Variants in ADAMTS6 observed in about 807,000 individuals in gnomAD.
The protein encoded by ADAMTS6 is A disintegrin and metalloproteinase with thrombospondin motifs 6.
A neutral mutation model predicts 144.3 loss-of-function variants in ADAMTS6; 23 were observed. That is an observed-to-expected ratio of 0.16 (90% confidence interval 0.11 to 0.23). The LOEUF is 0.23. Ranked by LOEUF, ADAMTS6 falls within the 10% of genes least tolerant of loss-of-function variation. The probability of loss-of-function intolerance (pLI) is 1.00; values close to 1 mark genes in which losing one functional copy is unlikely to be tolerated. For missense variants in ADAMTS6, 999 were observed against 1,379.6 expected (o/e 0.72, Z 4.37); for synonymous variants, 444 against 457.5 (o/e 0.97, Z 0.38).
chr5:65,175,638 T>TA lies in ADAMTS6; in HGVS notation c.2911-2631dup, dbSNP rs952835428. 1.0e-4 allele frequency among the ~76,000 whole-genome samples: 15 copies of TA among 149,008 alleles called. No homozygotes were observed. The East Asian group carries it at 1.6e-3, about 16-fold the overall frequency. On this transcript the variant is annotated intron_variant, in intron 22 of 24. Coordinates refer to ENST00000381055, the MANE Select transcript of ADAMTS6 (RefSeq NM_197941.4). The stretch of plus-strand genomic sequence containing the variant: ...CAACTGCTTTGCTAACAGAAGAAAG[T>TA]AAAAAAAATAACTTTTAGAGGAAAC...
At chr5:65,374,058 A>C (rs554052492) in intron 7 of ADAMTS6, among the ~76,000 whole-genome samples, 1 of 152,142 alleles carries the variant, frequency 6.6e-6, no homozygotes, top group Non-Finnish European at 1.5e-5. Context: ...AAATTCAACA[A>C]CCCTTCATGC....
At chr5:65,163,597 G>A (rs1463209762) in intron 24 of ADAMTS6, among the ~76,000 whole-genome samples, 2 of 152,174 alleles carry the variant, frequency 1.3e-5, no homozygotes, top group Non-Finnish European at 2.9e-5. Flanking sequence ...CTTTGAATTA[G>A]ACAGAGTTGA....
chr5:65,214,556 CAG>C lies in ADAMTS6; in HGVS notation c.2575+236_2575+237del. ...AAGATAGTCTTGGGAGAAGCACCAG[CAG>C]AGACACTCATTGTGCCAAGATGTAT... On this transcript the variant is annotated intron_variant, in intron 20 of 24. Coordinates refer to ENST00000381055, the MANE Select transcript of ADAMTS6 (RefSeq NM_197941.4). The surrounding 1 kb of genome is among the most constrained non-coding windows in gnomAD (Gnocchi z 4.6). The C allele has an allele frequency of 1.7e-6, 1 of 577,390 alleles. No individual in the cohort carries two copies. The highest frequency in any genetic ancestry group is 3.1e-6 in the Non-Finnish European group (1 of 326,368). 35.8% of individuals were successfully genotyped at this position (577,390 alleles called of 1,614,324 possible). A position where few individuals can be genotyped will look rare whatever the true frequency, so the allele number is the denominator to read the frequency against.
intron 7 of ADAMTS6, among the ~76,000 whole-genome samples, chr5:65,356,455 C>G (rs934770262): frequency 6.6e-6 from 1 of 151,864 alleles, no homozygotes; most frequent in Non-Finnish European, 1.5e-5. Context: ...TATTCTTTCC[C>G]TCTTGTTTAT....
chr5:65,212,283 T>C (rs539478210), intron 20 of ADAMTS6, among the ~76,000 whole-genome samples: 3 of 152,212 alleles, frequency 2.0e-5, no homozygotes, highest in South Asian at 4.2e-4. Context: ...GCCTCAAGAA[T>C]GCTCATAATC....
chr5:65,148,793 T>C lies in ADAMTS6; in HGVS notation c.*3043A>G, dbSNP rs987633011. The C allele has an allele frequency of 2.6e-5, 4 of 152,584 alleles. No individual in the cohort carries two copies. Among genetic ancestry groups the C allele is most frequent in the Non-Finnish European group, 5.9e-5 (4 of 68,040 alleles). 9.5% of individuals were successfully genotyped at this position (152,584 alleles called of 1,614,324 possible). A position where few individuals can be genotyped will look rare whatever the true frequency, so the allele number is the denominator to read the frequency against. On this transcript the variant is annotated 3_prime_UTR_variant, in exon 25 of 25. Coordinates refer to ENST00000381055, the MANE Select transcript of ADAMTS6 (RefSeq NM_197941.4). ...TAAATTATCTATGTCAAAAAAATTCTGTGCCTGGCGTGGAATTTCACTCCA... is the reference window on the plus strand; with the variant it reads ...TAAATTATCTATGTCAAAAAAATTCCGTGCCTGGCGTGGAATTTCACTCCA...
At chr5:65,378,701 C>A (rs1368465346) in intron 7 of ADAMTS6, among the ~76,000 whole-genome samples, 1 of 152,136 alleles carries the variant, frequency 6.6e-6, no homozygotes, top group Admixed American at 6.5e-5. Flanking sequence ...ACCCTGAGTT[C>A]TTTCTCTGTT....
chr5:65,333,923 G>A, intron 8 of ADAMTS6, 119 bp downstream of exon 8: 1 of 1,103,496 alleles, frequency 9.1e-7, no homozygotes. Context: ...TGTACAGAAA[G>A]GAAAATGACC....
chr5:65,343,145 T>C (rs912201344), intron 7 of ADAMTS6, among the ~76,000 whole-genome samples: 1 of 152,114 alleles, frequency 6.6e-6, no homozygotes, highest in East Asian at 1.9e-4. Flanking sequence ...ACGGATTTAA[T>C]GTAATTCCTT....
intron 14 of ADAMTS6, among the ~76,000 whole-genome samples, chr5:65,254,957 C>T (rs1760519863): frequency 6.6e-6 from 1 of 152,192 alleles, no homozygotes; most frequent in Non-Finnish European, 1.5e-5. Context: ...TAAATGTCAG[C>T]AGCAGTTGCT....
chr5:65,167,743 A>G (rs1330481101), intron 24 of ADAMTS6, among the ~76,000 whole-genome samples: 12 of 102,038 alleles, frequency 1.2e-4, no homozygotes, highest in African/African-American at 3.9e-4. Flanking sequence ...GCAAATCAAT[A>G]AATGTAATCC....
chr5:65,244,451 TC>T (rs933396925), intron 14 of ADAMTS6, among the ~76,000 whole-genome samples: 9 of 152,142 alleles, frequency 5.9e-5, no homozygotes, highest in African/African-American at 1.7e-4. Flanking sequence ...AAATAAAATG[TC>T]CAATATGGGG....
chr5:65,457,236 A>T (rs1343576319), intron 4 of ADAMTS6, among the ~76,000 whole-genome samples: 1 of 152,238 alleles, frequency 6.6e-6, no homozygotes, highest in Non-Finnish European at 1.5e-5. Context: ...TACTGAAAAT[A>T]AGAACACAAA....
intron 7 of ADAMTS6, 50 bp from the exon 8 acceptor site, chr5:65,334,135 T>A (rs1473221671): frequency 6.8e-7 from 1 of 1,472,150 alleles, no homozygotes; most frequent in Admixed American, 2.7e-5. Context: ...ATTTGTAACA[T>A]ATTTTTCTAT....
chr5:65,158,565 G>C (rs1207411107), intron 24 of ADAMTS6, among the ~76,000 whole-genome samples: 2 of 136,688 alleles, frequency 1.5e-5, no homozygotes, highest in African/African-American at 5.6e-5. Flanking sequence ...ATGGCATTTT[G>C]GATAGAATTT....
chr5:65,426,362 G>C (rs1756536268), intron 7 of ADAMTS6, among the ~76,000 whole-genome samples: 1 of 151,886 alleles, frequency 6.6e-6, no homozygotes, highest in Non-Finnish European at 1.5e-5. Context: ...CCTGGACTAA[G>C]TTGTGCTTCT....
intron 22 of ADAMTS6, among the ~76,000 whole-genome samples, chr5:65,178,771 G>A (rs919512939): frequency 2.6e-5 from 4 of 152,162 alleles, no homozygotes; most frequent in African/African-American, 9.7e-5. Context: ...ACTATCAAAG[G>A]ACATCATTGG....
At chr5:65,376,384 G>A (rs1014777599) in intron 7 of ADAMTS6, among the ~76,000 whole-genome samples, 13 of 152,100 alleles carry the variant, frequency 8.5e-5, no homozygotes, top group Non-Finnish European at 1.2e-4. Context: ...CCAGGAGGTG[G>A]AGGTTGCAGT....
intron 22 of ADAMTS6, among the ~76,000 whole-genome samples, chr5:65,182,993 G>C (rs1754456557): frequency 6.6e-6 from 1 of 152,172 alleles, no homozygotes; most frequent in Admixed American, 6.5e-5. Flanking sequence ...TCTACAGCCA[G>C]AGTCTCAACT....
Sources: allele counts gnomAD v4.1 joint callset (sites outside exome capture counted in the v4.1 genomes callset), GRCh38; gene constraint gnomAD v4.1.1; non-coding constraint Gnocchi (gnomAD v3.1); transcripts MANE v1.5; gene names NCBI Gene and HGNC (gene_info 2026-07-23, HGNC 2026-07-21).